Variants in AGMO observed in about 807,000 individuals in gnomAD.
AGMO encodes glyceryl-ether monooxygenase.
Under a neutral mutation model 60.2 loss-of-function variants are expected in AGMO, and 75 were observed. The observed-to-expected ratio is 1.25, with a 90% CI of 1.03 to 1.51. The LOEUF is 1.51. AGMO is among the 40% of genes most tolerant of loss of function. AGMO has a pLI of 0.00. For synonymous variants in AGMO, 261 were observed against 177.1 expected (o/e 1.47, Z -3.76); for missense variants, 763 against 525.5 (o/e 1.45, Z -4.42).
chr7:15,260,865 C>G (rs1783247099), intron 12 of AGMO, among the ~76,000 whole-genome samples: 1 of 151,960 alleles, frequency 6.6e-6, no homozygotes, highest in African/African-American at 2.4e-5. Context: ...AAAAGGAACC[C>G]TCAAAACCAC....
At chr7:15,202,329 C>T (rs1023079763) in intron 12 of AGMO, among the ~76,000 whole-genome samples, 1 of 151,764 alleles carries the variant, frequency 6.6e-6, no homozygotes, top group Non-Finnish European at 1.5e-5. Context: ...GTGTGGGGAA[C>T]TCCGGTGAAG....
chr7:15,159,435 C>T, the AGMO span, among the ~76,000 whole-genome samples: 1 of 152,156 alleles, frequency 6.6e-6, no homozygotes, highest in Non-Finnish European at 1.5e-5. Context: ...TTTCTTCTCA[C>T]TGCATGCTCC....
chr7:15,361,765 A>G (rs1782777284), intron 12 of AGMO, among the ~76,000 whole-genome samples: 1 of 152,092 alleles, frequency 6.6e-6, no homozygotes, highest in African/African-American at 2.4e-5. Context: ...CTTTGCCAGA[A>G]AGAGGATAAC....
chr7:15,427,909 G>T (rs982541374), intron 4 of AGMO, among the ~76,000 whole-genome samples: 6 of 146,838 alleles, frequency 4.1e-5, no homozygotes, highest in Admixed American at 3.4e-4. Context: ...AGAAATTCTA[G>T]AAAGTTGAAT....
intron 12 of AGMO, among the ~76,000 whole-genome samples, chr7:15,299,830 T>TAC (rs756832586): frequency 0.035 from 1,705 of 48,050 alleles, 29 homozygotes; most frequent in African/African-American, 0.042. Flanking sequence ...TCTGTCTACA[T>TAC]ACACACACAC....
At chr7:15,320,320 A>G (rs1781070072) in intron 12 of AGMO, among the ~76,000 whole-genome samples, 2 of 152,044 alleles carry the variant, frequency 1.3e-5, no homozygotes, top group African/African-American at 4.8e-5. Context: ...AATGCAACTG[A>G]AGAAAGTCAA....
the AGMO span, among the ~76,000 whole-genome samples, chr7:15,138,446 G>C: frequency 9.9e-5 from 15 of 152,088 alleles, no homozygotes; most frequent in Non-Finnish European, 1.8e-4. Context: ...CCTAAATATT[G>C]TTTGTATTCT....
At chr7:15,506,125 A>G (rs939347449) in intron 3 of AGMO, among the ~76,000 whole-genome samples, 1 of 152,048 alleles carries the variant, frequency 6.6e-6, no homozygotes, top group Non-Finnish European at 1.5e-5. Flanking sequence ...AAATTATTCA[A>G]TTTACTTGGA....
Position 15,290,249 on chromosome 7 carries a change from G to A in AGMO, c.1263+75265C>T, listed in dbSNP as rs113939930. On this transcript the variant is annotated intron_variant, in intron 12 of 12. Transcript: ENST00000342526. Reference sequence around the variant, plus strand: ...TCACCATATTGGTCAGGCTGGTCTCGAACTCCTCACCTCGTGATCTGCCTG... The same window carrying A: ...TCACCATATTGGTCAGGCTGGTCTCAAACTCCTCACCTCGTGATCTGCCTG... Among the ~76,000 whole-genome samples the A allele has an allele frequency of 1.7e-3, 262 of 152,030 alleles. 1 individual carries two copies. The highest frequency in any genetic ancestry group is 6.9e-3 in the Middle Eastern group (2 of 290).
At chr7:15,384,506 T>C (rs920374343) in intron 10 of AGMO, among the ~76,000 whole-genome samples, 2 of 152,158 alleles carry the variant, frequency 1.3e-5, no homozygotes, top group African/African-American at 4.8e-5. Flanking sequence ...CAATTTTAAG[T>C]GTCCTATACA....
intron 3 of AGMO, among the ~76,000 whole-genome samples, chr7:15,503,330 A>G (rs1326222305): frequency 6.6e-6 from 1 of 152,092 alleles, no homozygotes; most frequent in Admixed American, 6.6e-5. Flanking sequence ...TGAAGAAAGT[A>G]GGATGAAAAA....
chr7:15,320,433 T>C (rs1781073321), intron 12 of AGMO, among the ~76,000 whole-genome samples: 1 of 152,056 alleles, frequency 6.6e-6, no homozygotes, highest in South Asian at 2.1e-4. Flanking sequence ...TCTGTAACAA[T>C]TTAGAAATGT....
intron 3 of AGMO, among the ~76,000 whole-genome samples, chr7:15,484,829 A>G (rs1435131385): frequency 1.3e-5 from 2 of 152,214 alleles, no homozygotes; most frequent in Admixed American, 1.3e-4. Context: ...GAGGAAAGAA[A>G]TAATATCACA....
chr7:15,304,347 G>A (rs1443976179), intron 12 of AGMO, among the ~76,000 whole-genome samples: 10 of 152,068 alleles, frequency 6.6e-5, no homozygotes, highest in Non-Finnish European at 4.4e-5. Flanking sequence ...TAATAACAGC[G>A]TACCCAGCAA....
chr7:15,300,885 T>C lies in AGMO; in HGVS notation c.1263+64629A>G, dbSNP rs1401512225. On this transcript the variant is annotated intron_variant, in intron 12 of 12. Coordinates refer to ENST00000342526, the MANE Select transcript of AGMO (RefSeq NM_001004320.2). ...AAATGTACTTTTTTCCTAGGATTAA[T>C]CTCCAAACATGCCAAAATTTTAGTG... 5.3e-5 allele frequency among the ~76,000 whole-genome samples: 8 copies of C among 152,212 alleles called. No homozygotes were observed. The East Asian group carries it at 1.5e-3, about 29-fold the overall frequency.
chr7:15,194,107 CAAATAT>C, the AGMO span, among the ~76,000 whole-genome samples: 62 of 152,052 alleles, frequency 4.1e-4, no homozygotes, highest in South Asian at 1.0e-3. Context: ...CTCTACAAAA[CAAATAT>C]AATTTTATTT....
At chr7:15,242,068 C>T (rs1331543171) in intron 12 of AGMO, among the ~76,000 whole-genome samples, 2 of 152,114 alleles carry the variant, frequency 1.3e-5, no homozygotes, top group Admixed American at 6.5e-5. Context: ...ACAGAGAAAA[C>T]CCTGTGTTCT....
chr7:15,322,725 T>TATAA (rs1554413751), intron 12 of AGMO, among the ~76,000 whole-genome samples: 1 of 72,800 alleles, frequency 1.4e-5, no homozygotes, highest in African/African-American at 8.3e-5. Flanking sequence ...AATATATAAA[T>TATAA]ATATATATAA....
At chr7:15,245,808 C>T (rs1410631848) in intron 12 of AGMO, among the ~76,000 whole-genome samples, 1 of 151,984 alleles carries the variant, frequency 6.6e-6, no homozygotes, top group African/African-American at 2.4e-5. Context: ...GATTTTCCTC[C>T]TTAGGATTAG....
Sources: allele counts gnomAD v4.1 joint callset (sites outside exome capture counted in the v4.1 genomes callset), GRCh38; gene constraint gnomAD v4.1.1; transcripts MANE v1.5; gene names NCBI Gene and HGNC (gene_info 2026-07-23, HGNC 2026-07-21).